PVALEF: variants seen among roughly 807,000 people sequenced by gnomAD.
The protein encoded by PVALEF is parvalbumin-like EF-hand-containing protein.
In PVALEF, 2 loss-of-function variants were observed where a neutral mutation model predicts 1.2. The ratio of observed to expected loss-of-function variants is 1.68; its 90% CI spans 0.69 to 5.28. The LOEUF is 5.28. PVALEF is among the 30% of genes most tolerant of loss of function. The pLI is 0.06. For missense variants in PVALEF, 35 were observed against 17.7 expected (o/e 1.97, Z -1.75); for synonymous variants, 16 against 6.5 (o/e 2.47, Z -2.24).
At position 81,169,567 on chromosome 17, in the gene PVALEF, A is replaced by T. The variant is rs545058071; in HGVS notation, c.-340+2723A>T. On this transcript the variant is annotated intron_variant, in intron 2 of 6. Transcript: ENST00000637878. ...GAGCCGAGATGGCGCCACTGCACAT[A>T]TGTCTGTGCATATGTGTAGATGTGT... Among the ~76,000 whole-genome samples, 8 of 152,280 alleles carry T rather than the reference A, an allele frequency of 5.3e-5. No homozygotes were observed. The South Asian group carries it at 1.7e-3, about 32-fold the overall frequency.
chr17:81,175,060 A>G (rs2061532508), intron 2 of PVALEF, among the ~76,000 whole-genome samples: 1 of 152,254 alleles, frequency 6.6e-6, no homozygotes, highest in Admixed American at 6.5e-5. Context: ...TCAGCAAAGT[A>G]GCAAGATACA....
chr17:81,178,509 A>T (rs2061542823), intron 2 of PVALEF, among the ~76,000 whole-genome samples: 1 of 152,072 alleles, frequency 6.6e-6, no homozygotes, highest in Non-Finnish European at 1.5e-5. Context: ...GGCTTGGATA[A>T]ACTTTGTCCC....
intron 2 of PVALEF, among the ~76,000 whole-genome samples, chr17:81,175,861 T>C (rs570515535): frequency 6.6e-6 from 1 of 152,260 alleles, no homozygotes; most frequent in African/African-American, 2.4e-5. Context: ...TGGCATGGGA[T>C]TTGACAGAGA....
chr17:81,176,512 C>CCTGGCAGAAGGTAACCGTGCCCCTGGTGT (rs2061536023), intron 2 of PVALEF, among the ~76,000 whole-genome samples: 2 of 151,552 alleles, frequency 1.3e-5, no homozygotes, highest in African/African-American at 4.9e-5. Context: ...AGCAAATCTC[C>CCTGGCAGAAGGTAACCGTGCCCCTGGTGT]ATCTCAAAAC....
At chr17:81,169,624 T>A (rs1329250373) in intron 2 of PVALEF, among the ~76,000 whole-genome samples, 1 of 152,054 alleles carries the variant, frequency 6.6e-6, no homozygotes, top group Non-Finnish European at 1.5e-5. Context: ...CTCCAGATGC[T>A]CCAGGGGAGG....
At position 81,165,725 on chromosome 17, in the gene PVALEF, C is replaced by G. The variant is rs1450271827; in HGVS notation, c.-530C>G. The G allele has an allele frequency of 4.6e-6, 7 of 1,522,364 alleles. No homozygotes were observed. The highest frequency in any genetic ancestry group is 3.6e-5 in the South Asian group (3 of 82,918). The allele number at this position is 1,522,364 out of a possible 1,614,324, so 94.3% of individuals were successfully genotyped here. On this transcript the variant is annotated 5_prime_UTR_variant, in exon 1 of 7. Transcript: ENST00000637878. ...CACGGAGTCACGACCACGCGGGGGA[C>G]GCCAGCCCACAGGCGGAGGCCGGTT...
At position 81,182,031 on chromosome 17, in the gene PVALEF, C is replaced by T; in HGVS notation, c.308C>T (p.Ala103Val). Residue 103 changes from alanine to valine, a missense_variant, in exon 6 of 7, where the codon GCC (alanine) becomes GTC (valine). Transcript: ENST00000637878. ...TTPLTDEEAE[A>V]MIQAADTHGD... ...CCGCTGACAGACGAGGAGGCCGAGG[C>T]CATGATCCAGGCGGCAGACACACAC... 1 of 398,776 alleles carries T rather than the reference C, an allele frequency of 2.5e-6. No individual in the cohort carries two copies. Among genetic ancestry groups the T allele is most frequent in the Non-Finnish European group, 4.4e-6 (1 of 226,180 alleles). The allele number at this position is 398,776 out of a possible 1,614,324, so 24.7% of individuals were successfully genotyped here. A position where few individuals can be genotyped will look rare whatever the true frequency, so the allele number is the denominator to read the frequency against.
chr17:81,181,142 G>A lies in PVALEF; in HGVS notation c.-85G>A, dbSNP rs2061552256. 1 of 687,888 alleles carries A rather than the reference G, an allele frequency of 1.5e-6. No individual in the cohort carries two copies. The highest frequency in any genetic ancestry group is 1.6e-5 in the South Asian group (1 of 63,670). The allele number at this position is 687,888 out of a possible 1,614,324, so 42.6% of individuals were successfully genotyped here. On this transcript the variant is annotated 5_prime_UTR_variant, in exon 4 of 7. Transcript: ENST00000637878. Reference sequence around the variant, plus strand: ...TTACAGCAGGATCCAGCACCACGCGGCGTCTACGTCTGCTCTGGCCCAAGC... The same window carrying A: ...TTACAGCAGGATCCAGCACCACGCGACGTCTACGTCTGCTCTGGCCCAAGC...
At chr17:81,179,418 G>T (rs981246918) in intron 3 of PVALEF, among the ~76,000 whole-genome samples, 1 of 152,248 alleles carries the variant, frequency 6.6e-6, no homozygotes, top group African/African-American at 2.4e-5. Flanking sequence ...GTGTGCACGT[G>T]TGTGCTGGCA....
chr17:81,183,046 C>T lies in PVALEF; in HGVS notation c.*35C>T. ...TAGCCCTGGCCAGCCAAGGGGCTCC[C>T]ATGGGGTAACCGGGGTGACCACGCA... On this transcript the variant is annotated 3_prime_UTR_variant, in exon 7 of 7. Coordinates refer to ENST00000637878, the MANE Select transcript of PVALEF (RefSeq NM_001354639.2). The T allele has an allele frequency of 2.5e-6, 1 of 398,698 alleles. No individual in the cohort carries two copies. Among genetic ancestry groups the T allele is most frequent in the Non-Finnish European group, 4.4e-6 (1 of 226,080 alleles). 24.7% of individuals were successfully genotyped at this position (398,698 alleles called of 1,614,324 possible). A position where few individuals can be genotyped will look rare whatever the true frequency, so the allele number is the denominator to read the frequency against.
intron 3 of PVALEF, among the ~76,000 whole-genome samples, chr17:81,179,962 C>T (rs543215473): frequency 6.6e-6 from 1 of 152,298 alleles, no homozygotes; most frequent in African/African-American, 2.4e-5. Flanking sequence ...TGAGCAGGGC[C>T]CAAGGACAGC....
intron 2 of PVALEF, among the ~76,000 whole-genome samples, chr17:81,173,488 C>T (rs767387194): frequency 2.0e-5 from 3 of 152,150 alleles, no homozygotes; most frequent in African/African-American, 2.4e-5. Context: ...CCGAGAGAAC[C>T]GACTATGTGG....
chr17:81,180,560 T>G (rs182695388), intron 3 of PVALEF, among the ~76,000 whole-genome samples: 36 of 152,214 alleles, frequency 2.4e-4, no homozygotes, highest in Admixed American at 1.1e-3. Flanking sequence ...ACCATCTCCC[T>G]TCCCTCCTGG....
At chr17:81,182,388 C>A (rs2061557727) in intron 6 of PVALEF, among the ~76,000 whole-genome samples, 1 of 152,228 alleles carries the variant, frequency 6.6e-6, no homozygotes, top group Admixed American at 6.5e-5. Flanking sequence ...GCCCTGAGGT[C>A]TGGGCCATCT....
At position 81,179,030 on chromosome 17, in the gene PVALEF, G is replaced by T. The variant is rs1356186607; in HGVS notation, c.-227G>T. The T allele has an allele frequency of 2.2e-6, 1 of 453,424 alleles. No individual in the cohort carries two copies. Among genetic ancestry groups the T allele is most frequent in the African/African-American group, 2.0e-5 (1 of 49,956 alleles). 28.1% of individuals were successfully genotyped at this position (453,424 alleles called of 1,614,324 possible). On this transcript the variant is annotated 5_prime_UTR_variant, in exon 3 of 7. Coordinates refer to ENST00000637878, the MANE Select transcript of PVALEF (RefSeq NM_001354639.2). ...GTGCCAGGCTGGAGTGCCGGGGAGGGGCGAGGACAGCTGCAGCCCCGAGAT... is the reference window on the plus strand; with the variant it reads ...GTGCCAGGCTGGAGTGCCGGGGAGGTGCGAGGACAGCTGCAGCCCCGAGAT...
chr17:81,166,790 G>A lies in PVALEF; in HGVS notation c.-394G>A, dbSNP rs1462265740. 1.1e-5 allele frequency: 5 copies of A among 455,966 alleles called. No homozygotes were observed. The highest frequency in any genetic ancestry group is 2.0e-5 in the African/African-American group (1 of 50,038). The allele number at this position is 455,966 out of a possible 1,614,324, so 28.2% of individuals were successfully genotyped here. ...CAGGCCTGCTCCTGTACCGTGCTGC[G>A]ACAGCCATGAAGGAAGAACCTGGCT... is the stretch of plus-strand genomic sequence containing the variant. On this transcript the variant is annotated 5_prime_UTR_variant, in exon 2 of 7. Coordinates refer to ENST00000637878, the MANE Select transcript of PVALEF (RefSeq NM_001354639.2).
chr17:81,170,367 G>T (rs182318260), intron 2 of PVALEF, among the ~76,000 whole-genome samples: 1 of 151,770 alleles, frequency 6.6e-6, no homozygotes, highest in Admixed American at 6.6e-5. Flanking sequence ...GTGTCTGTGC[G>T]TGTGTGTGTG....
chr17:81,173,132 C>T (rs2061526157), intron 2 of PVALEF, among the ~76,000 whole-genome samples: 1 of 152,184 alleles, frequency 6.6e-6, no homozygotes, highest in Non-Finnish European at 1.5e-5. Context: ...AGGCCCTACC[C>T]TATGAGAGAT....
chr17:81,165,936 A>AC, intron 1 of PVALEF, 189 bp downstream of exon 1: 1 of 1,579,684 alleles, frequency 6.3e-7, no homozygotes, highest in Non-Finnish European at 8.6e-7. Flanking sequence ...CCAGGGACTC[A>AC]CCGGGGTCGA....
Sources: allele counts gnomAD v4.1 joint callset (sites outside exome capture counted in the v4.1 genomes callset), GRCh38; gene constraint gnomAD v4.1.1; transcripts MANE v1.5; gene names NCBI Gene and HGNC (gene_info 2026-07-23, HGNC 2026-07-21).